SAMD3: variants seen among roughly 807,000 people sequenced by gnomAD.
The protein encoded by SAMD3 is sterile alpha motif domain containing 3.
SAMD3 carries 63 observed loss-of-function variants against 58.5 expected under a neutral mutation model. The observed-to-expected ratio is 1.08, with a 90% CI of 0.88 to 1.33. SAMD3 has a LOEUF of 1.33. SAMD3 is among the 40% of genes most tolerant of loss of function. The pLI, the probability that SAMD3 is intolerant of heterozygous loss-of-function variation, is 0.00. For synonymous variants in SAMD3, 220 were observed against 210.3 expected, an observed-to-expected ratio of 1.05 and a Z score of -0.40; for missense variants, 604 against 608.4, an observed-to-expected ratio of 0.99 and a Z score of 0.08.
chr6:130,229,233 T>C (rs1006593674), intron 2 of SAMD3, among the ~76,000 whole-genome samples: 9 of 152,168 alleles, frequency 5.9e-5, no homozygotes, highest in Non-Finnish European at 1.2e-4. Flanking sequence ...CTGAGGACTG[T>C]GTTGACAGGG....
At chr6:130,365,357 G>A (rs1778107699) in exon 1 of SAMD3, 1 of 985,448 alleles carries the variant, frequency 1.0e-6, no homozygotes, top group Admixed American at 6.1e-5. Context: ...GCCCCCCCAA[G>A]CCGTTCTCCG....
intron 1 of SAMD3, among the ~76,000 whole-genome samples, chr6:130,321,500 C>T (rs1776583262): frequency 6.6e-6 from 1 of 152,184 alleles, no homozygotes; most frequent in African/African-American, 2.4e-5. Flanking sequence ...AGCTGCTAAA[C>T]CTCTGGATAA....
intron 1 of SAMD3, among the ~76,000 whole-genome samples, chr6:130,323,859 G>A (rs1776667473): frequency 6.8e-6 from 1 of 147,050 alleles, no homozygotes; most frequent in Admixed American, 6.8e-5. Flanking sequence ...TAAGGGAAAA[G>A]GGCAGAAAAT....
At chr6:130,286,796 C>T (rs1775171892) in intron 2 of SAMD3, among the ~76,000 whole-genome samples, 1 of 152,172 alleles carries the variant, frequency 6.6e-6, no homozygotes, top group Non-Finnish European at 1.5e-5. Context: ...ATTGCAACCT[C>T]CACCTCTCAG....
intron 2 of SAMD3, among the ~76,000 whole-genome samples, chr6:130,231,766 G>T (rs1210127882): frequency 3.9e-5 from 6 of 151,974 alleles, no homozygotes; most frequent in Admixed American, 2.0e-4. Flanking sequence ...TTATTTCCTT[G>T]AGCAATCAGG....
chr6:130,240,095 T>A lies in SAMD3; in HGVS notation c.-187-17282A>T, dbSNP rs377740066. 4.6e-5 allele frequency among the ~76,000 whole-genome samples: 7 copies of A among 152,350 alleles called. No individual in the cohort carries two copies. In the South Asian group the frequency reaches 1.4e-3, roughly 32 times the overall value. ...ATGCAAACCCATGCTGCACATGTTA[T>A]CAGCACAGCGCCTGGTATTATGATG... On this transcript the variant is annotated intron_variant, in intron 2 of 13. Transcript: ENST00000368134.
At chr6:130,157,216 A>C (rs980202348) in intron 8 of SAMD3, among the ~76,000 whole-genome samples, 2 of 152,058 alleles carry the variant, frequency 1.3e-5, no homozygotes, top group South Asian at 4.1e-4. Context: ...AAAAAACATG[A>C]CCATTTCAAA....
intron 7 of SAMD3, among the ~76,000 whole-genome samples, chr6:130,176,605 G>A (rs1344227455): frequency 6.6e-6 from 1 of 152,170 alleles, no homozygotes; most frequent in Non-Finnish European, 1.5e-5. Flanking sequence ...TCAATATAGA[G>A]TGAAAAGTAT....
chr6:130,218,586 C>T (rs2114857675), intron 1 of SAMD3, among the ~76,000 whole-genome samples: 2 of 152,234 alleles, frequency 1.3e-5, no homozygotes, highest in East Asian at 3.9e-4. Context: ...TGATGATATA[C>T]TAAAGAAGTT....
intron 1 of SAMD3, among the ~76,000 whole-genome samples, chr6:130,320,337 T>C (rs1776544145): frequency 6.6e-6 from 1 of 152,084 alleles, no homozygotes. Context: ...AAAGGAAAAC[T>C]AAAGCCACAA....
At chr6:130,272,376 A>G (rs1353521463) in intron 2 of SAMD3, among the ~76,000 whole-genome samples, 1 of 152,204 alleles carries the variant, frequency 6.6e-6, no homozygotes, top group Non-Finnish European at 1.5e-5. Context: ...AGGACCTGGG[A>G]TCAGATTGGG....
intron 4 of SAMD3, among the ~76,000 whole-genome samples, chr6:130,213,083 G>T (rs901243520): frequency 3.9e-5 from 6 of 152,046 alleles, no homozygotes; most frequent in African/African-American, 1.4e-4. Flanking sequence ...AGGAGTTGGA[G>T]ACCAGCCTGG....
intron 2 of SAMD3, among the ~76,000 whole-genome samples, chr6:130,297,674 A>G (rs909091300): frequency 6.6e-6 from 1 of 152,222 alleles, no homozygotes; most frequent in Non-Finnish European, 1.5e-5. Context: ...CAAGACAGCT[A>G]TATTAAGAAA....
chr6:130,248,488 T>C (rs975602211), intron 2 of SAMD3, among the ~76,000 whole-genome samples: 1 of 152,130 alleles, frequency 6.6e-6, no homozygotes, highest in African/African-American at 2.4e-5. Flanking sequence ...CACCCTACTT[T>C]GTTAACAAGG....
chr6:130,167,183 G>A (rs543998441), intron 8 of SAMD3, among the ~76,000 whole-genome samples: 8 of 152,196 alleles, frequency 5.3e-5, no homozygotes, highest in South Asian at 4.2e-4. Context: ...AGGTGAAACC[G>A]AATGAGGTAA....
chr6:130,309,578 C>T (rs939968040), intron 2 of SAMD3, among the ~76,000 whole-genome samples: 1 of 152,170 alleles, frequency 6.6e-6, no homozygotes, highest in African/African-American at 2.4e-5. Flanking sequence ...AGGTGTGGTC[C>T]TCTTGAAGTG....
chr6:130,239,758 T>G (rs919456983), intron 2 of SAMD3, among the ~76,000 whole-genome samples: 2 of 152,186 alleles, frequency 1.3e-5, no homozygotes, highest in Non-Finnish European at 2.9e-5. Context: ...GGTTTCCATT[T>G]TGAGGGGCAA....
chr6:130,244,195 C>T (rs1456388995), intron 2 of SAMD3, among the ~76,000 whole-genome samples: 1 of 152,126 alleles, frequency 6.6e-6, no homozygotes, highest in East Asian at 1.9e-4. Flanking sequence ...ATGCCTGTGA[C>T]AAAGACAGAT....
intron 8 of SAMD3, among the ~76,000 whole-genome samples, chr6:130,170,992 G>A (rs1196713218): frequency 6.6e-6 from 1 of 152,182 alleles, no homozygotes; most frequent in Non-Finnish European, 1.5e-5. Context: ...AATAAGAGTG[G>A]TGAGAGAGGG....
Sources: allele counts gnomAD v4.1 joint callset (sites outside exome capture counted in the v4.1 genomes callset), GRCh38; gene constraint gnomAD v4.1.1; transcripts MANE v1.5; gene names NCBI Gene and HGNC (gene_info 2026-07-23, HGNC 2026-07-21).